Variants in ZC3H7A observed in about 807,000 individuals in gnomAD.
ZC3H7A encodes zinc finger CCCH domain-containing protein 7A.
In ZC3H7A, 44 loss-of-function variants were observed where a neutral mutation model predicts 125.5. That is an observed-to-expected ratio of 0.35 (90% CI 0.28 to 0.45). ZC3H7A has a LOEUF of 0.45. Among genes scored for constraint, ZC3H7A ranks in the 20% least tolerant of loss-of-function variants. The probability of loss-of-function intolerance (pLI) is 1.00; values close to 1 mark genes in which losing one functional copy is unlikely to be tolerated. For synonymous variants in ZC3H7A, 399 were observed against 391.2 expected (o/e 1.02, Z -0.23); for missense variants, 977 against 1,170.7 (o/e 0.83, Z 2.41).
chr16:11,772,239 T>C (rs2052997333), intron 9 of ZC3H7A, among the ~76,000 whole-genome samples: 11 of 149,542 alleles, frequency 7.4e-5, no homozygotes, highest in Admixed American at 7.3e-4. Flanking sequence ...AATTGTGGGA[T>C]ATATGTGGTG....
intron 1 of ZC3H7A, among the ~76,000 whole-genome samples, chr16:11,788,923 T>C (rs1469237432): frequency 6.6e-6 from 1 of 152,074 alleles, no homozygotes; most frequent in Non-Finnish European, 1.5e-5. Context: ...CACAAAGATA[T>C]TCTATAGAAC....
intron 21 of ZC3H7A, among the ~76,000 whole-genome samples, chr16:11,755,947 G>A (rs920246208): frequency 4.6e-5 from 7 of 152,102 alleles, no homozygotes; most frequent in African/African-American, 1.7e-4. Context: ...GGCAAATCAC[G>A]AGGTCAGGAG....
chr16:11,758,809 C>CA (rs2052694829), intron 19 of ZC3H7A: 1 of 370,198 alleles, frequency 2.7e-6, no homozygotes. Context: ...TCTACAAACT[C>CA]ACTTACTCAG....
intron 2 of ZC3H7A, among the ~76,000 whole-genome samples, chr16:11,781,908 G>C (rs2053179877): frequency 6.6e-6 from 1 of 152,084 alleles, no homozygotes; most frequent in African/African-American, 2.4e-5. Context: ...TCATTGACAT[G>C]CTTCAAGAAG....
rs11644981 is a variant in ZC3H7A at position 11,754,199 on chromosome 16, G to A, written c.2563-1367C>T. On this transcript the variant is annotated intron_variant, in intron 21 of 22. Transcript: ENST00000355758. ...CCTAGCTACTGAGGAGGCTGAGGTC[G>A]GAGGATCACCTGAGCCCAGGAGGTA... Among the ~76,000 whole-genome samples, 28 of 150,364 alleles carry A rather than the reference G, an allele frequency of 1.9e-4. 1 individual carries two copies. Among genetic ancestry groups the A allele is most frequent in the East Asian group, 2.0e-4 (1 of 5,046 alleles).
intron 3 of ZC3H7A, 46 bp from the exon 4 acceptor site, chr16:11,779,409 T>C (rs367642277): frequency 9.0e-6 from 14 of 1,550,582 alleles, no homozygotes; most frequent in East Asian, 2.2e-5. Flanking sequence ...TCAAACAAGA[T>C]ATGGTATAAG....
At chr16:11,788,483 A>C (rs1476576814) in intron 1 of ZC3H7A, among the ~76,000 whole-genome samples, 1 of 152,108 alleles carries the variant, frequency 6.6e-6, no homozygotes, top group Non-Finnish European at 1.5e-5. Flanking sequence ...AGTGAAAAGG[A>C]ATGTCTCCTT....
At position 11,765,835 on chromosome 16, in the gene ZC3H7A, C is replaced by A. The variant is rs1038442360; in HGVS notation, c.1523-150G>T. 1.8e-6 allele frequency: 1 copy of A among 553,546 alleles called. No individual in the cohort carries two copies. Among genetic ancestry groups the A allele is most frequent in the Non-Finnish European group, 3.0e-6 (1 of 335,916 alleles). 34.3% of individuals were successfully genotyped at this position (553,546 alleles called of 1,614,324 possible). On this transcript the variant is annotated intron_variant, in intron 13 of 22. Transcript: ENST00000355758. This position sits in a 1 kb window ranked among gnomAD's most constrained non-coding sequence, Gnocchi z 4.8. ...TCTTGCCACTGCACTCCAGCCTGGGCAACAGAGCAAGTCCCAGTGTCAAAA... is the reference window on the plus strand; with the variant it reads ...TCTTGCCACTGCACTCCAGCCTGGGAAACAGAGCAAGTCCCAGTGTCAAAA...
intron 21 of ZC3H7A, 114 bp downstream of exon 21, chr16:11,756,123 A>G: frequency 7.0e-7 from 1 of 1,438,424 alleles, no homozygotes; most frequent in Non-Finnish European, 9.4e-7. Flanking sequence ...AAATCACACC[A>G]CTGCACTCCA....
intron 20 of ZC3H7A, among the ~76,000 whole-genome samples, chr16:11,756,691 A>G (rs752382170): frequency 1.1e-4 from 17 of 152,202 alleles, no homozygotes; most frequent in Non-Finnish European, 2.2e-4. Context: ...AAGCCTCACC[A>G]CTGCCTCTGT....
In ZC3H7A at chr16:11,767,693, A is replaced by T. The variant is rs968999968; in HGVS notation, c.1361-115T>A. 5 of 1,084,160 alleles carry T rather than the reference A, an allele frequency of 4.6e-6. No homozygotes were observed. In the African/African-American group the frequency reaches 8.1e-5, roughly 18 times the overall value. The allele number at this position is 1,084,160 out of a possible 1,614,324, so 67.2% of individuals were successfully genotyped here. A position where few individuals can be genotyped will look rare whatever the true frequency, so the allele number is the denominator to read the frequency against. On this transcript the variant is annotated intron_variant, in intron 12 of 22. Transcript: ENST00000355758. ...ACATCAATTATTAAATTCCCACAGA[A>T]ATCCCACTTCCACAACCCTAAAATG...
In ZC3H7A at chr16:11,751,379, A is replaced by G. The variant is rs371425288; in HGVS notation, c.2854T>C (p.Leu952=). ...MKLNKARKDH[L]IGPNDNDFGK... is the part of the protein sequence containing the mutation. ...AAGTCATTATCATTTGGGCCAATTA[A>G]GTGATCTTTTCGTGCTTTGTTGAGC... The change falls in exon 23 of 23, where the codon TTA becomes CTA. Residue 952 remains leucine, a synonymous_variant. Transcript: ENST00000355758. 1.7e-5 allele frequency: 28 copies of G among 1,614,118 alleles called. No homozygotes were observed. The African/African-American group carries it at 2.3e-4, about 13-fold the overall frequency.
At chr16:11,795,946 C>T (rs534702115) in intron 1 of ZC3H7A, among the ~76,000 whole-genome samples, 11 of 152,134 alleles carry the variant, frequency 7.2e-5, no homozygotes, top group Non-Finnish European at 1.5e-4. Flanking sequence ...GATTCTCCCA[C>T]CTCAGCTTCC....
chr16:11,792,801 C>T (rs114417625), intron 1 of ZC3H7A, among the ~76,000 whole-genome samples: 2 of 152,324 alleles, frequency 1.3e-5, no homozygotes, highest in African/African-American at 2.4e-5. Context: ...CTGCACATTA[C>T]GTGCCAAAGA....
In ZC3H7A at chr16:11,768,171, T is replaced by C. The variant is rs911212538; in HGVS notation, c.1360+144A>G. 5 of 750,024 alleles carry C rather than the reference T, an allele frequency of 6.7e-6. No homozygotes were observed. The African/African-American group carries it at 9.0e-5, about 14-fold the overall frequency. 46.5% of individuals were successfully genotyped at this position (750,024 alleles called of 1,614,324 possible). A position where few individuals can be genotyped will look rare whatever the true frequency, so the allele number is the denominator to read the frequency against. The stretch of plus-strand genomic sequence containing the variant: ...ACTCCAAAGGCACTAAATCAGTAAC[T>C]GCTACTTGTTTAGGAAGAATTCAAA... On this transcript the variant is annotated intron_variant, in intron 12 of 22. Coordinates refer to ENST00000355758, the MANE Select transcript of ZC3H7A (RefSeq NM_014153.4).
intron 15 of ZC3H7A, among the ~76,000 whole-genome samples, chr16:11,763,936 T>C (rs1358963687): frequency 6.6e-6 from 1 of 151,110 alleles, no homozygotes; most frequent in Non-Finnish European, 1.5e-5. Context: ...CCTAAGTAGT[T>C]GGGACTACAG....
At chr16:11,754,509 G>A (rs1567370803) in intron 21 of ZC3H7A, among the ~76,000 whole-genome samples, 1 of 151,802 alleles carries the variant, frequency 6.6e-6, no homozygotes, top group South Asian at 2.1e-4. Flanking sequence ...ACAGAGAGAC[G>A]GAGGTGCCAA....
At chr16:11,770,664 G>C in intron 10 of ZC3H7A, 119 bp downstream of exon 10, 3 of 996,338 alleles carry the variant, frequency 3.0e-6, no homozygotes, top group Non-Finnish European at 2.9e-6. Flanking sequence ...TATATTTTTA[G>C]CTACAAAGAA....
intron 1 of ZC3H7A, chr16:11,796,484 C>A (rs1188072604): frequency 3.3e-5 from 5 of 152,698 alleles, no homozygotes; most frequent in African/African-American, 1.2e-4. Context: ...CAGGCTCGAC[C>A]TCGGAGGCCC....
Sources: gnomAD v4.1 joint callset for allele counts (sites outside exome capture counted in the v4.1 genomes callset) on GRCh38, gnomAD v4.1.1 for gene constraint, Gnocchi (gnomAD v3.1) non-coding constraint, MANE v1.5 for transcripts, NCBI Gene and HGNC (gene_info 2026-07-23, HGNC 2026-07-21) for gene names.